LTO1: variants seen among roughly 807,000 people sequenced by gnomAD.
LTO1 encodes the protein LTO1 maturation factor of ABCE1, also known as protein LTO1 homolog.
Under a neutral mutation model 19.8 loss-of-function variants are expected in LTO1, and 18 were observed. That is an observed-to-expected ratio of 0.91 (90% CI 0.63 to 1.35). LTO1 has a LOEUF of 1.35. Ranked by LOEUF, LTO1 falls within the 40% of genes most tolerant of loss-of-function variation. LTO1 has a pLI of 0.00. For synonymous variants in LTO1, 59 were observed against 59.6 expected, an observed-to-expected ratio of 0.99 and a Z score of 0.05; for missense variants, 175 against 167.9, an observed-to-expected ratio of 1.04 and a Z score of -0.23.
In LTO1 at chr11:69,673,281, TGCCTTCTTCATA is replaced by T. The variant is rs768025118; in HGVS notation, c.79_90del (p.Tyr27_Gly30del). The T allele has an allele frequency of 6.2e-7, 1 of 1,613,650 alleles. No individual in the cohort carries two copies. Among genetic ancestry groups the T allele is most frequent in the Non-Finnish European group, 8.5e-7 (1 of 1,179,544 alleles). ...CTTCCCTCCATCACACCCAAACTAC[TGCCTTCTTCATA>T]GCCTTCCCGATACCCTTCCCCATGA... On this transcript the variant is annotated inframe_deletion, in exon 2 of 5. Transcript: ENST00000279147.
chr11:69,670,680 GGAGA>G (rs139389705), intron 3 of LTO1, among the ~76,000 whole-genome samples: 424 of 152,254 alleles, frequency 2.8e-3, no homozygotes, highest in African/African-American at 8.5e-3. Context: ...ACGTAGTCAG[GGAGA>G]GAGTTACCCA....
chr11:69,670,385 A>G (rs2119843302), intron 3 of LTO1, among the ~76,000 whole-genome samples: 1 of 152,330 alleles, frequency 6.6e-6, no homozygotes, highest in African/African-American at 2.4e-5. Flanking sequence ...CCTGGAGTTG[A>G]GAGCCAGGCT....
chr11:69,671,760 A>G lies in LTO1; in HGVS notation c.216T>C (p.Thr72=), dbSNP rs750591644. ...ATCTCCACCTTTACCTGTCCTTCTC[A>G]GTGGTGCAACTGTGCAGTAGACATT... The part of the protein sequence containing the change: ...AWKCLLHSCT[T]EKDSRKMKVL... Residue 72 remains threonine (T), a synonymous_variant, in exon 3 of 5, where the codon ACT becomes ACC. Transcript: ENST00000279147. 82 of 1,588,750 alleles carry G rather than the reference A, an allele frequency of 5.2e-5. No individual in the cohort carries two copies. The highest frequency in any genetic ancestry group is 6.7e-5 in the Non-Finnish European group (77 of 1,156,988).
chr11:69,672,021 G>A (rs1023787334), intron 2 of LTO1: 2 of 557,090 alleles, frequency 3.6e-6, no homozygotes, highest in Non-Finnish European at 6.5e-6. Flanking sequence ...AGATGCCCCA[G>A]TCCTCATCTC....
At chr11:69,671,941 G>A (rs1856115809) in intron 2 of LTO1, 122 bp from the exon 3 acceptor site, 8 of 695,200 alleles carry the variant, frequency 1.2e-5, no homozygotes, top group South Asian at 7.6e-5. Flanking sequence ...CTATTGTTCT[G>A]GAAGCACCTG....
Position 69,665,852 on chromosome 11 carries a change from T to C in LTO1, c.*1667A>G, listed in dbSNP as rs1033825274. 2 of 152,200 alleles carry C rather than the reference T, an allele frequency of 1.3e-5. No individual in the cohort carries two copies. Among genetic ancestry groups the C allele is most frequent in the African/African-American group, 4.8e-5 (2 of 41,442 alleles). 9.4% of individuals were successfully genotyped at this position (152,200 alleles called of 1,614,324 possible). A position where few individuals can be genotyped will look rare whatever the true frequency, so the allele number is the denominator to read the frequency against. ...GTTCGGGAGGAGGAGACCTAAGTCC[T>C]GTCTTCAAAAACAAAAAGCAGGCCG... On this transcript the variant is annotated 3_prime_UTR_variant, in exon 5 of 5. Transcript: ENST00000279147.
intron 3 of LTO1, among the ~76,000 whole-genome samples, chr11:69,670,989 C>T (rs1272209593): frequency 6.6e-6 from 1 of 152,198 alleles, no homozygotes; most frequent in Non-Finnish European, 1.5e-5. Context: ...CAACCTCTGC[C>T]TCCTGGGTTC....
intron 3 of LTO1, among the ~76,000 whole-genome samples, chr11:69,669,722 C>T (rs1301730639): frequency 6.6e-6 from 1 of 152,174 alleles, no homozygotes; most frequent in Non-Finnish European, 1.5e-5. Context: ...AGTGATGGTG[C>T]CAGAGCCCCC....
At position 69,675,265 on chromosome 11, in the gene LTO1, C is replaced by T. The variant is rs1353404832; in HGVS notation, c.-26G>A. On this transcript the variant is annotated 5_prime_UTR_variant, in exon 1 of 5. Coordinates refer to ENST00000279147, the MANE Select transcript of LTO1 (RefSeq NM_153451.3). ...AGCGGCAAGCAGCCCGCCCTTGGCC[C>T]CCGGGTTTCTGCAGCCCCGCGGTGC... The T allele has an allele frequency of 6.8e-7, 1 of 1,479,628 alleles. No homozygotes were observed. Among genetic ancestry groups the T allele is most frequent in the South Asian group, 1.4e-5 (1 of 70,994 alleles). The allele number at this position is 1,479,628 out of a possible 1,614,324, so 91.7% of individuals were successfully genotyped here.
intron 1 of LTO1, chr11:69,674,896 G>A (rs559129532): frequency 1.5e-6 from 1 of 663,234 alleles, no homozygotes. Flanking sequence ...CCCAGAGGAC[G>A]AGGCGGCCTC....
chr11:69,675,279 G>A lies in LTO1; in HGVS notation c.-40C>T. 1 of 1,442,988 alleles carries A rather than the reference G, an allele frequency of 6.9e-7. No individual in the cohort carries two copies. The highest frequency in any genetic ancestry group is 9.2e-7 in the Non-Finnish European group (1 of 1,088,146). 89.4% of individuals were successfully genotyped at this position (1,442,988 alleles called of 1,614,324 possible). On this transcript the variant is annotated 5_prime_UTR_variant, in exon 1 of 5. Transcript: ENST00000279147. ...CGCCCTTGGCCCCCGGGTTTCTGCA[G>A]CCCCGCGGTGCCGTAGCAGACCCGG...
chr11:69,670,332 G>A (rs1437956447), intron 3 of LTO1, among the ~76,000 whole-genome samples: 2 of 152,270 alleles, frequency 1.3e-5, no homozygotes, highest in Non-Finnish European at 2.9e-5. Context: ...TGTGGGAGAA[G>A]GGAGACAGGC....
rs1010546683 is a variant in LTO1 at position 69,666,274 on chromosome 11, A to C, written c.*1245T>G. The C allele has an allele frequency of 6.6e-6, 1 of 152,222 alleles. No homozygotes were observed. The highest frequency in any genetic ancestry group is 1.5e-5 in the Non-Finnish European group (1 of 68,052). 9.4% of individuals were successfully genotyped at this position (152,222 alleles called of 1,614,324 possible). A position where few individuals can be genotyped will look rare whatever the true frequency, so the allele number is the denominator to read the frequency against. On this transcript the variant is annotated 3_prime_UTR_variant, in exon 5 of 5. Coordinates refer to ENST00000279147, the MANE Select transcript of LTO1 (RefSeq NM_153451.3). ...CAGCTTAGGCAGCACAACACAATCC[A>C]CTAGGACATTCGGGAATGGTTTTAA...
At chr11:69,673,791 G>A (rs943510174) in intron 1 of LTO1, among the ~76,000 whole-genome samples, 2 of 148,838 alleles carry the variant, frequency 1.3e-5, no homozygotes, top group Admixed American at 6.8e-5. Context: ...GGGCTCAAGC[G>A]ATCCTCCAGC....
At chr11:69,668,617 C>A (rs904252658) in intron 3 of LTO1, among the ~76,000 whole-genome samples, 17 of 152,070 alleles carry the variant, frequency 1.1e-4, no homozygotes, top group African/African-American at 4.1e-4. Context: ...CTGCTGGCCT[C>A]ATCTGTAAAA....
chr11:69,671,269 G>C, intron 3 of LTO1: 1 of 155,808 alleles, frequency 6.4e-6, no homozygotes, highest in Non-Finnish European at 1.4e-5. Flanking sequence ...ACAAGTTCCA[G>C]AAAGGAGTTA....
chr11:69,671,987 C>T (rs1856116475), intron 2 of LTO1, 168 bp from the exon 3 acceptor site: 1 of 593,768 alleles, frequency 1.7e-6, no homozygotes, highest in Admixed American at 2.5e-5. Flanking sequence ...GAAATTAGGT[C>T]ATCGGTGGGG....
At chr11:69,674,921 A>C (rs1226298853) in intron 1 of LTO1, 1 of 682,782 alleles carries the variant, frequency 1.5e-6, no homozygotes, top group South Asian at 1.5e-5. Flanking sequence ...GAGGGGAACC[A>C]CCAGGCTGAG....
intron 3 of LTO1, among the ~76,000 whole-genome samples, chr11:69,669,049 T>G (rs1046041216): frequency 6.9e-6 from 1 of 145,164 alleles, no homozygotes; most frequent in Non-Finnish European, 1.5e-5. Flanking sequence ...AAAAAAAAAT[T>G]GACATGAAGC....
Sources: allele counts gnomAD v4.1 joint callset (sites outside exome capture counted in the v4.1 genomes callset), GRCh38; gene constraint gnomAD v4.1.1; transcripts MANE v1.5; gene names NCBI Gene and HGNC (gene_info 2026-07-23, HGNC 2026-07-21).